The following NOS1AP variants were observed in gnomAD, a reference collection of about 807,000 sequenced individuals.
NOS1AP encodes the protein nitric oxide synthase 1 adaptor protein.
In NOS1AP, 21 loss-of-function variants were observed where a neutral mutation model predicts 56.2. The ratio of observed to expected loss-of-function variants is 0.37; its 90% CI spans 0.26 to 0.54. The LOEUF is 0.54. NOS1AP is among the 20% of genes least tolerant of loss of function. The pLI is 0.84. For missense variants in NOS1AP, 522 were observed against 657.8 expected, an observed-to-expected ratio of 0.79 and a Z score of 2.26; for synonymous variants, 270 against 274.6, an observed-to-expected ratio of 0.98 and a Z score of 0.17.
intron 6 of NOS1AP, among the ~76,000 whole-genome samples, chr1:162,354,817 C>G (rs1025507039): frequency 6.6e-6 from 1 of 152,258 alleles, no homozygotes; most frequent in Non-Finnish European, 1.5e-5. Flanking sequence ...CTCCTCATTT[C>G]TGGACCCCCG....
Position 162,370,098 on chromosome 1 carries a change from A to C in NOS1AP, c.*2631A>C, listed in dbSNP as rs1260850783. On this transcript the variant is annotated 3_prime_UTR_variant, in exon 10 of 10. Transcript: ENST00000361897. ...GCCCCAGCCTACCCCAGGTGCCAGCAGACTCTCGTGCACAGGAGGCTCCCA... is the reference window on the plus strand; with the variant it reads ...GCCCCAGCCTACCCCAGGTGCCAGCCGACTCTCGTGCACAGGAGGCTCCCA... The C allele has an allele frequency of 1.3e-5, 2 of 152,314 alleles. 1 individual carries two copies. The highest frequency in any genetic ancestry group is 3.8e-4 in the East Asian group (2 of 5,196). 9.4% of individuals were successfully genotyped at this position (152,314 alleles called of 1,614,324 possible). A position where few individuals can be genotyped will look rare whatever the true frequency, so the allele number is the denominator to read the frequency against.
chr1:162,210,141 G>T (rs1424508795), intron 2 of NOS1AP, among the ~76,000 whole-genome samples: 4 of 152,210 alleles, frequency 2.6e-5, no homozygotes, highest in Non-Finnish European at 4.4e-5. Flanking sequence ...GGGATGGGTG[G>T]TAAGGCTCTG....
chr1:162,276,205 C>T (rs1654728549), intron 2 of NOS1AP, among the ~76,000 whole-genome samples: 1 of 152,152 alleles, frequency 6.6e-6, no homozygotes, highest in Non-Finnish European at 1.5e-5. Context: ...TGAAAACAGT[C>T]CTGCAGAAAA....
chr1:162,146,918 A>G (rs950804949), intron 1 of NOS1AP, among the ~76,000 whole-genome samples: 2 of 152,190 alleles, frequency 1.3e-5, no homozygotes, highest in Non-Finnish European at 2.9e-5. Context: ...CGTTCTATGC[A>G]GAGCTATTTT....
chr1:162,305,396 T>TG (rs548927788), intron 4 of NOS1AP, among the ~76,000 whole-genome samples: 6 of 152,088 alleles, frequency 3.9e-5, no homozygotes, highest in Non-Finnish European at 8.8e-5. Flanking sequence ...TATTTTTTTT[T>TG]TTTCAGTTTA....
At chr1:162,177,766 C>T (rs761563441) in intron 2 of NOS1AP, among the ~76,000 whole-genome samples, 5 of 152,158 alleles carry the variant, frequency 3.3e-5, no homozygotes, top group Non-Finnish European at 7.3e-5. Flanking sequence ...TGCCCCTGCA[C>T]ATGCACAATG....
intron 2 of NOS1AP, among the ~76,000 whole-genome samples, chr1:162,215,539 T>G (rs559594204): frequency 4.6e-5 from 7 of 152,318 alleles, no homozygotes; most frequent in African/African-American, 1.7e-4. Context: ...CAGGAGACAG[T>G]CTGAGTGGCA....
intron 8 of NOS1AP, chr1:162,364,905 G>A (rs924805698): frequency 6.8e-5 from 68 of 1,000,142 alleles, no homozygotes; most frequent in South Asian, 1.3e-4. Flanking sequence ...TATGGGCTTC[G>A]TTGTGACACT....
intron 6 of NOS1AP, among the ~76,000 whole-genome samples, chr1:162,353,446 G>A (rs1283348573): frequency 2.0e-5 from 3 of 152,118 alleles, no homozygotes; most frequent in Non-Finnish European, 4.4e-5. Context: ...TCTGTGTCTG[G>A]GGCTTCTTAG....
intron 2 of NOS1AP, among the ~76,000 whole-genome samples, chr1:162,236,020 T>C (rs980094082): frequency 1.3e-5 from 2 of 152,240 alleles, no homozygotes; most frequent in African/African-American, 4.8e-5. Flanking sequence ...TTAAGTGATA[T>C]TTCATGTCAC....
At chr1:162,224,845 T>A (rs576669788) in intron 2 of NOS1AP, among the ~76,000 whole-genome samples, 2 of 152,180 alleles carry the variant, frequency 1.3e-5, no homozygotes, top group African/African-American at 4.8e-5. Context: ...TGAGACCCCA[T>A]GTCCTGAGGG....
At chr1:162,364,040 C>T in intron 8 of NOS1AP, 1 of 985,438 alleles carries the variant, frequency 1.0e-6, no homozygotes. Context: ...GAGGGGCACA[C>T]CCTGGGCCAG....
intron 2 of NOS1AP, among the ~76,000 whole-genome samples, chr1:162,253,587 C>T (rs1653935855): frequency 1.3e-5 from 2 of 152,206 alleles, no homozygotes; most frequent in African/African-American, 4.8e-5. Context: ...TGGCCAACCA[C>T]ATAAGTGAAT....
intron 4 of NOS1AP, among the ~76,000 whole-genome samples, chr1:162,320,159 G>A (rs915180603): frequency 3.3e-5 from 5 of 152,146 alleles, no homozygotes; most frequent in African/African-American, 7.2e-5. Context: ...GGCGGGGTAC[G>A]GAGTAAGATG....
chr1:162,211,254 A>G (rs573065975), intron 2 of NOS1AP, among the ~76,000 whole-genome samples: 1 of 152,306 alleles, frequency 6.6e-6, no homozygotes, highest in South Asian at 2.1e-4. Flanking sequence ...TGGAGGCTGG[A>G]AAGTCCAAGA....
chr1:162,287,694 A>ACCCCC (rs530465271), intron 3 of NOS1AP, among the ~76,000 whole-genome samples: 1 of 151,322 alleles, frequency 6.6e-6, no homozygotes, highest in Non-Finnish European at 1.5e-5. Context: ...CATGCCTTCA[A>ACCCCC]CCCCCCTCCC....
intron 5 of NOS1AP, among the ~76,000 whole-genome samples, chr1:162,336,633 A>G (rs1219885985): frequency 1.3e-5 from 2 of 152,224 alleles, no homozygotes; most frequent in Non-Finnish European, 2.9e-5. Flanking sequence ...CCTTGGTCAC[A>G]CAGTGAATCA....
chr1:162,287,398 G>C lies in NOS1AP; in HGVS notation c.232G>C (p.Val78Leu). 6.2e-7 allele frequency: 1 copy of C among 1,613,354 alleles called. No individual in the cohort carries two copies. Among genetic ancestry groups the C allele is most frequent in the Non-Finnish European group, 8.5e-7 (1 of 1,179,300 alleles). Residue 78 changes from valine (V) to leucine (L), a missense_variant, in exon 3 of 10, where the codon GTG becomes CTG. Physicochemically the swap from Val to Leu is conservative, Grantham distance 32 (BLOSUM62 1). Coordinates refer to ENST00000361897, the MANE Select transcript of NOS1AP (RefSeq NM_014697.3). The part of the protein sequence containing the change: ...KKKKVSIMVS[V>L]DGVKVILKKK... The stretch of plus-strand genomic sequence containing the variant: ...GAAGAAAGTGAGCATTATGGTTTCA[G>C]TGGATGGAGTGAAAGTGATTCTGAA...
At chr1:162,211,516 T>G (rs1307425512) in intron 2 of NOS1AP, among the ~76,000 whole-genome samples, 1 of 152,216 alleles carries the variant, frequency 6.6e-6, no homozygotes, top group Non-Finnish European at 1.5e-5. Context: ...AGGGCTTCAG[T>G]GCAGAATGTT....
Sources: gnomAD v4.1 joint callset for allele counts (sites outside exome capture counted in the v4.1 genomes callset) on GRCh38, gnomAD v4.1.1 for gene constraint, MANE v1.5 for transcripts, NCBI Gene and HGNC (gene_info 2026-07-23, HGNC 2026-07-21) for gene names.